The following DENND1B variants were observed in gnomAD, a reference collection of about 807,000 sequenced individuals.
DENND1B encodes DENN domain-containing protein 1B.
A neutral mutation model predicts 90.1 loss-of-function variants in DENND1B; 59 were observed. The observed-to-expected ratio is 0.65, with a 90% CI of 0.53 to 0.81. The LOEUF is 0.81. Ranked by LOEUF, DENND1B falls within the 40% of genes least tolerant of loss-of-function variation. The probability of loss-of-function intolerance (pLI) is 0.00; values close to 1 mark genes in which losing one functional copy is unlikely to be tolerated. For synonymous variants in DENND1B, 337 were observed against 324.6 expected, an observed-to-expected ratio of 1.04 and a Z score of -0.41; for missense variants, 862 against 912.6, an observed-to-expected ratio of 0.94 and a Z score of 0.71.
chr1:197,713,782 A>ACAT (rs1553334348), intron 3 of DENND1B, among the ~76,000 whole-genome samples: 5 of 63,398 alleles, frequency 7.9e-5, no homozygotes, highest in African/African-American at 3.3e-4. Flanking sequence ...TTATTATATT[A>ACAT]TATTATAATA....
At chr1:197,704,748 T>C (rs929662049) in intron 3 of DENND1B, among the ~76,000 whole-genome samples, 1 of 152,080 alleles carries the variant, frequency 6.6e-6, no homozygotes, top group Non-Finnish European at 1.5e-5. Flanking sequence ...CATATTGCTT[T>C]TAAATTCTAA....
At chr1:197,739,709 C>A (rs138149904) in intron 2 of DENND1B, among the ~76,000 whole-genome samples, 116 of 152,202 alleles carry the variant, frequency 7.6e-4, no homozygotes, top group Middle Eastern at 3.4e-3. Context: ...CCAACAAAGT[C>A]ATTGTATCCT....
chr1:197,629,601 C>G, intron 10 of DENND1B, among the ~76,000 whole-genome samples: 1 of 151,188 alleles, frequency 6.6e-6, no homozygotes, highest in Non-Finnish European at 1.5e-5. Context: ...TGGGTGCAGC[C>G]CACCAGCATG....
chr1:197,757,138 A>G (rs1436219899), intron 2 of DENND1B, among the ~76,000 whole-genome samples: 1 of 152,128 alleles, frequency 6.6e-6, no homozygotes, highest in Non-Finnish European at 1.5e-5. Flanking sequence ...AAGCATATTC[A>G]TATAATTTAT....
intron 15 of DENND1B, among the ~76,000 whole-genome samples, chr1:197,569,141 T>C (rs1672935888): frequency 6.6e-6 from 1 of 151,972 alleles, no homozygotes; most frequent in African/African-American, 2.4e-5. Context: ...ACATTGATCA[T>C]AAGAAGACAT....
intron 2 of DENND1B, among the ~76,000 whole-genome samples, chr1:197,772,271 A>G (rs1656723362): frequency 1.3e-5 from 2 of 152,220 alleles, no homozygotes; most frequent in Non-Finnish European, 2.9e-5. Context: ...AAAACTAATG[A>G]TAACTTTACC....
In DENND1B at chr1:197,664,848, T is replaced by C. The variant is rs77622555; in HGVS notation, c.297-6479A>G. On this transcript the variant is annotated intron_variant, in intron 5 of 22. Transcript: ENST00000620048. ...GTGAAAGCTTTAGGTTTGGAATGAG[T>C]TAAAGGGGGGAGGGGGAACTACAAA... Among the ~76,000 whole-genome samples, 179 of 151,898 alleles carry C rather than the reference T, an allele frequency of 1.2e-3. No homozygotes were observed. The East Asian group carries it at 0.03, about 26-fold the overall frequency.
intron 11 of DENND1B, among the ~76,000 whole-genome samples, chr1:197,614,209 T>C (rs1322174314): frequency 6.6e-6 from 1 of 150,958 alleles, no homozygotes; most frequent in Non-Finnish European, 1.5e-5. Context: ...ATATAATAAC[T>C]TGAAACTTTT....
chr1:197,692,263 T>C (rs1429262019), intron 3 of DENND1B, among the ~76,000 whole-genome samples: 4 of 151,878 alleles, frequency 2.6e-5, no homozygotes, highest in African/African-American at 7.2e-5. Context: ...AACAGGCTCC[T>C]TTTATCCAAT....
chr1:197,620,041 G>A (rs1678010903), intron 10 of DENND1B, among the ~76,000 whole-genome samples: 1 of 151,260 alleles, frequency 6.6e-6, no homozygotes, highest in Admixed American at 6.6e-5. Flanking sequence ...TATAGCAAAA[G>A]TGTCAGGTTT....
At chr1:197,587,742 G>T (rs116507001) in intron 14 of DENND1B, among the ~76,000 whole-genome samples, 1 of 151,934 alleles carries the variant, frequency 6.6e-6, no homozygotes, top group South Asian at 2.1e-4. Flanking sequence ...ATTCAAGCGC[G>T]TTACGTTTAT....
intron 3 of DENND1B, among the ~76,000 whole-genome samples, chr1:197,694,616 C>CTCTTTA (rs1351102384): frequency 6.6e-6 from 1 of 151,368 alleles, no homozygotes; most frequent in Non-Finnish European, 1.5e-5. Flanking sequence ...CTTTATAGAA[C>CTCTTTA]TAAATTCCAG....
chr1:197,680,445 TTAAGA>T (rs759919682), intron 3 of DENND1B, among the ~76,000 whole-genome samples: 4 of 152,142 alleles, frequency 2.6e-5, no homozygotes, highest in Admixed American at 1.3e-4. Flanking sequence ...ATAAGTAGAC[TTAAGA>T]TAAGTAGGAA....
intron 2 of DENND1B, among the ~76,000 whole-genome samples, chr1:197,753,110 C>T (rs2488393): frequency 0.23 from 34,262 of 151,720 alleles, 4,242 homozygotes; most frequent in Middle Eastern, 0.33. Flanking sequence ...GAATAAAGAA[C>T]ATAAAACAAA....
At chr1:197,625,925 G>A (rs1387251704) in intron 10 of DENND1B, among the ~76,000 whole-genome samples, 2 of 151,902 alleles carry the variant, frequency 1.3e-5, no homozygotes, top group East Asian at 1.9e-4. Flanking sequence ...GAGACAAAGA[G>A]GGCCATTACA....
At chr1:197,599,217 A>T (rs1196522563) in intron 13 of DENND1B, among the ~76,000 whole-genome samples, 2 of 151,888 alleles carry the variant, frequency 1.3e-5, no homozygotes, top group African/African-American at 4.8e-5. Context: ...AAGGACAGTA[A>T]GCCAGGAAGG....
chr1:197,589,302 T>C (rs1674976982), intron 14 of DENND1B, among the ~76,000 whole-genome samples: 1 of 152,082 alleles, frequency 6.6e-6, no homozygotes, highest in Non-Finnish European at 1.5e-5. Flanking sequence ...ACTGAAGCAA[T>C]TAAGCAAAAT....
chr1:197,510,789 T>C lies in DENND1B; in HGVS notation c.1999A>G (p.Asn667Asp). The stretch of plus-strand genomic sequence containing the variant: ...TCAGCACCGAGGTGCTTGTTACTGT[T>C]TTCCTCTTTCAGGATAAACAGAGAA... The part of the protein sequence containing the change: ...TDSLFILKEE[N>D]SNKHLGADNV... The change falls in exon 23 of 23, where the codon AAC becomes GAC. Residue 667 changes from asparagine (N) to aspartate (D), a missense_variant. Coordinates refer to ENST00000620048, the MANE Select transcript of DENND1B (RefSeq NM_001195215.2). 1 of 1,612,372 alleles carries C rather than the reference T, an allele frequency of 6.2e-7. No homozygotes were observed. Among genetic ancestry groups the C allele is most frequent in the Non-Finnish European group, 8.5e-7 (1 of 1,179,036 alleles).
chr1:197,527,911 T>A (rs1374899020), intron 20 of DENND1B, among the ~76,000 whole-genome samples: 1 of 152,148 alleles, frequency 6.6e-6, no homozygotes, highest in African/African-American at 2.4e-5. Context: ...GGCAAACTAT[T>A]CAATAGATAG....
Sources: gnomAD v4.1 joint callset for allele counts (sites outside exome capture counted in the v4.1 genomes callset) on GRCh38, gnomAD v4.1.1 for gene constraint, MANE v1.5 for transcripts, NCBI Gene and HGNC (gene_info 2026-07-23, HGNC 2026-07-21) for gene names.